Variants in PXDNL observed in about 807,000 individuals in gnomAD.
PXDNL encodes the protein probable oxidoreductase PXDNL.
Under a neutral mutation model 150.8 loss-of-function variants are expected in PXDNL, and 145 were observed. That is an observed-to-expected ratio of 0.96 (90% CI 0.84 to 1.10). The LOEUF (loss-of-function observed/expected upper bound fraction) is 1.10. Among genes scored for constraint, PXDNL ranks in the 50% least tolerant of loss-of-function variants. The pLI, the probability that PXDNL is intolerant of heterozygous loss-of-function variation, is 0.00. For synonymous variants in PXDNL, 757 were observed against 725.7 expected (o/e 1.04, Z -0.69); for missense variants, 2,087 against 1,873.9 (o/e 1.11, Z -2.10).
At chr8:51,486,863 C>T (rs1179868949) in intron 5 of PXDNL, among the ~76,000 whole-genome samples, 1 of 125,516 alleles carries the variant, frequency 8.0e-6, no homozygotes, top group Non-Finnish European at 1.6e-5. Context: ...TGCAGTGGCA[C>T]AATCTTGGCT....
Position 51,326,331 on chromosome 8 carries a change from C to T in PXDNL, c.4147-5434G>A, listed in dbSNP as rs891033975. 4.6e-5 allele frequency among the ~76,000 whole-genome samples: 7 copies of T among 152,258 alleles called. No homozygotes were observed. In the East Asian group the frequency reaches 7.7e-4, roughly 17 times the overall value. On this transcript the variant is annotated intron_variant, in intron 21 of 22. Coordinates refer to ENST00000356297, the MANE Select transcript of PXDNL (RefSeq NM_144651.5). ...TGGCCAACATGGTGAAACCCCATCT[C>T]TGCTAAAAATACAAAAATTAGCCAA...
intron 14 of PXDNL, among the ~76,000 whole-genome samples, chr8:51,415,656 G>C (rs1808778816): frequency 6.6e-6 from 1 of 152,152 alleles, no homozygotes; most frequent in Non-Finnish European, 1.5e-5. Flanking sequence ...GTTCAACGTG[G>C]AATGTCATGC....
intron 13 of PXDNL, 84 bp downstream of exon 13, chr8:51,426,560 AAT>A: frequency 1.4e-6 from 1 of 726,394 alleles, no homozygotes; most frequent in Non-Finnish European, 2.3e-6. Flanking sequence ...GTAAAAAATC[AAT>A]ATGAGAATCA....
chr8:51,486,531 G>C (rs981619162), intron 5 of PXDNL, among the ~76,000 whole-genome samples: 3 of 151,768 alleles, frequency 2.0e-5, no homozygotes, highest in African/African-American at 7.3e-5. Context: ...GTAGTATTCA[G>C]TAAATTAAAA....
intron 3 of PXDNL, among the ~76,000 whole-genome samples, chr8:51,562,787 T>C (rs150778883): frequency 7.2e-5 from 11 of 152,016 alleles, no homozygotes; most frequent in Admixed American, 1.3e-4. Flanking sequence ...CATGGGACCA[T>C]AGAGGTGCTG....
At chr8:51,604,070 T>G (rs1361021555) in intron 2 of PXDNL, among the ~76,000 whole-genome samples, 2 of 152,180 alleles carry the variant, frequency 1.3e-5, no homozygotes, top group Non-Finnish European at 2.9e-5. Flanking sequence ...ATAATAAAAT[T>G]AGTTTGTTAA....
At chr8:51,496,892 T>C (rs1287238833) in intron 5 of PXDNL, among the ~76,000 whole-genome samples, 2 of 152,148 alleles carry the variant, frequency 1.3e-5, no homozygotes, top group East Asian at 3.9e-4. Flanking sequence ...GCCATCCCCA[T>C]CAAGCTACCA....
intron 1 of PXDNL, among the ~76,000 whole-genome samples, chr8:51,768,470 T>G (rs1030040545): frequency 2.6e-5 from 4 of 152,194 alleles, no homozygotes; most frequent in African/African-American, 4.8e-5. Context: ...TTATAGGAAG[T>G]TAACTTCATT....
intron 3 of PXDNL, among the ~76,000 whole-genome samples, chr8:51,587,298 T>G (rs1813345763): frequency 6.6e-6 from 1 of 152,154 alleles, no homozygotes; most frequent in Non-Finnish European, 1.5e-5. Flanking sequence ...AAAGGAGAAT[T>G]TTGCTCTTAG....
intron 1 of PXDNL, among the ~76,000 whole-genome samples, chr8:51,802,985 G>A (rs1287687875): frequency 2.6e-5 from 4 of 152,180 alleles, no homozygotes; most frequent in African/African-American, 9.7e-5. Flanking sequence ...TCTAAGCAAA[G>A]GAATACATTT....
chr8:51,327,650 A>G (rs1204708283), intron 21 of PXDNL, among the ~76,000 whole-genome samples: 1 of 152,212 alleles, frequency 6.6e-6, no homozygotes, highest in East Asian at 1.9e-4. Context: ...AAACCTGAAG[A>G]ACCACATCTC....
chr8:51,587,906 C>T (rs1016429413), intron 3 of PXDNL, among the ~76,000 whole-genome samples: 2 of 152,088 alleles, frequency 1.3e-5, no homozygotes, highest in Non-Finnish European at 1.5e-5. Context: ...GGCCACCCGA[C>T]CTCACAGAAT....
At chr8:51,715,089 T>G (rs889250528) in intron 1 of PXDNL, among the ~76,000 whole-genome samples, 1 of 152,208 alleles carries the variant, frequency 6.6e-6, no homozygotes, top group African/African-American at 2.4e-5. Context: ...AGATAAATAT[T>G]AAATGTAGTA....
chr8:51,503,467 A>T (rs1199287346), intron 4 of PXDNL, among the ~76,000 whole-genome samples: 1 of 152,204 alleles, frequency 6.6e-6, no homozygotes, highest in Non-Finnish European at 1.5e-5. Flanking sequence ...TGTTTGATTT[A>T]TGTGATGGCT....
chr8:51,613,489 G>T (rs565132059), intron 2 of PXDNL, among the ~76,000 whole-genome samples: 2 of 86,340 alleles, frequency 2.3e-5, no homozygotes, highest in Admixed American at 2.3e-4. Context: ...GGGGGCGGGG[G>T]GGGGGCAGGG....
At chr8:51,421,561 G>A (rs927538667) in intron 14 of PXDNL, among the ~76,000 whole-genome samples, 2 of 151,964 alleles carry the variant, frequency 1.3e-5, no homozygotes, top group African/African-American at 2.4e-5. Context: ...TTAGCCTGGC[G>A]TGTGATAGGC....
intron 12 of PXDNL, among the ~76,000 whole-genome samples, chr8:51,446,092 C>T (rs1029464391): frequency 1.1e-4 from 16 of 151,980 alleles, no homozygotes; most frequent in African/African-American, 3.9e-4. Context: ...TAATTGCTAA[C>T]AGACCATATG....
chr8:51,392,239 T>C (rs1807933560), intron 17 of PXDNL, among the ~76,000 whole-genome samples: 1 of 152,240 alleles, frequency 6.6e-6, no homozygotes, highest in Non-Finnish European at 1.5e-5. Flanking sequence ...TTTGGTTCCA[T>C]ATGAACTTTA....
At chr8:51,403,378 A>G (rs1808327604) in intron 17 of PXDNL, among the ~76,000 whole-genome samples, 1 of 152,112 alleles carries the variant, frequency 6.6e-6, no homozygotes, top group Non-Finnish European at 1.5e-5. Context: ...GATGCCAAGG[A>G]ACCACACCCA....
Sources: allele counts gnomAD v4.1 joint callset (sites outside exome capture counted in the v4.1 genomes callset), GRCh38; gene constraint gnomAD v4.1.1; transcripts MANE v1.5; gene names NCBI Gene and HGNC (gene_info 2026-07-23, HGNC 2026-07-21).